Variants in PPARGC1A observed in about 807,000 individuals in gnomAD.
PPARGC1A encodes the protein PPARG coactivator 1 alpha.
PPARGC1A carries 25 observed loss-of-function variants against 88.7 expected under a neutral mutation model. The ratio of observed to expected loss-of-function variants is 0.28; its 90% CI spans 0.21 to 0.39. The LOEUF is 0.39. Ranked by LOEUF, PPARGC1A falls within the 10% of genes least tolerant of loss-of-function variation. The pLI is 1.00. For missense variants in PPARGC1A, 880 were observed against 968.7 expected (o/e 0.91, Z 1.22); for synonymous variants, 363 against 355.6 (o/e 1.02, Z -0.24).
At chr4:24,382,170 A>C in the PPARGC1A span, among the ~76,000 whole-genome samples, 1 of 52,320 alleles carries the variant, frequency 1.9e-5, no homozygotes, top group African/African-American at 8.7e-5. Flanking sequence ...TCAACAATGG[A>C]GAAAAAAACT....
the PPARGC1A span, among the ~76,000 whole-genome samples, chr4:24,345,253 C>T: frequency 7.0e-6 from 1 of 143,530 alleles, no homozygotes; most frequent in Admixed American, 6.8e-5. Context: ...CTTTTGGTTC[C>T]ATACGAATTT....
intron 8 of PPARGC1A, 83 bp from the exon 9 acceptor site, chr4:23,813,208 G>A (rs1311194479): frequency 8.7e-7 from 1 of 1,151,340 alleles, no homozygotes; most frequent in Non-Finnish European, 1.3e-6. Flanking sequence ...CATCCTCTGG[G>A]ACACTGTATT....
chr4:24,470,394 G>A, the PPARGC1A span, among the ~76,000 whole-genome samples: 17 of 151,936 alleles, frequency 1.1e-4, no homozygotes, highest in African/African-American at 3.4e-4. The surrounding 1 kb of genome is among the most constrained non-coding windows in gnomAD (Gnocchi z 5.8). Flanking sequence ...CGGAGTGGTC[G>A]TTGGCTCTCG....
chr4:24,059,349 G>A, the PPARGC1A span, among the ~76,000 whole-genome samples: 1 of 152,176 alleles, frequency 6.6e-6, no homozygotes, highest in Admixed American at 6.5e-5. Flanking sequence ...AGTATCATTT[G>A]TTTAGGTGGG....
intron 5 of PPARGC1A, among the ~76,000 whole-genome samples, chr4:23,827,304 T>C (rs895737603): frequency 1.3e-5 from 2 of 151,778 alleles, no homozygotes; most frequent in African/African-American, 4.8e-5. Context: ...TTCAGAACAC[T>C]GGGGAAAAAA....
At chr4:24,150,939 C>T in the PPARGC1A span, among the ~76,000 whole-genome samples, 2 of 152,200 alleles carry the variant, frequency 1.3e-5, no homozygotes, top group Non-Finnish European at 2.9e-5. Flanking sequence ...CCACGCATCT[C>T]TTTCATGTCC....
the PPARGC1A span, among the ~76,000 whole-genome samples, chr4:24,132,492 T>A: frequency 2.0e-5 from 3 of 152,318 alleles, no homozygotes; most frequent in Non-Finnish European, 2.9e-5. Context: ...CTAACAACAC[T>A]GTCACCATCA....
the PPARGC1A span, among the ~76,000 whole-genome samples, chr4:24,394,519 T>C: frequency 6.6e-6 from 1 of 152,116 alleles, no homozygotes; most frequent in Non-Finnish European, 1.5e-5. Context: ...CTAAAGATAA[T>C]TGAACAGAGA....
chr4:24,247,960 T>C, the PPARGC1A span, among the ~76,000 whole-genome samples: 7 of 152,242 alleles, frequency 4.6e-5, no homozygotes, highest in East Asian at 1.9e-4. Context: ...GCACAGAGTT[T>C]CCCTTCCCTT....
At chr4:24,059,343 T>A in the PPARGC1A span, among the ~76,000 whole-genome samples, 1 of 152,188 alleles carries the variant, frequency 6.6e-6, no homozygotes, top group African/African-American at 2.4e-5. Flanking sequence ...ACCCAAAGTA[T>A]CATTTGTTTA....
chr4:24,250,223 C>T, the PPARGC1A span, among the ~76,000 whole-genome samples: 3 of 152,248 alleles, frequency 2.0e-5, no homozygotes, highest in Non-Finnish European at 4.4e-5. Flanking sequence ...CACACCATTC[C>T]TTGCCCGGTG....
At chr4:23,797,889 T>C (rs993744818) in intron 12 of PPARGC1A, among the ~76,000 whole-genome samples, 1 of 152,212 alleles carries the variant, frequency 6.6e-6, no homozygotes, top group African/African-American at 2.4e-5. Context: ...ATATCCTCTG[T>C]GACCTGCACG....
the PPARGC1A span, among the ~76,000 whole-genome samples, chr4:23,987,123 A>G: frequency 6.6e-6 from 1 of 152,048 alleles, no homozygotes; most frequent in Admixed American, 6.6e-5. Context: ...ATTTCCTTAT[A>G]GTAGTCCATG....
chr4:24,190,214 A>T, the PPARGC1A span, among the ~76,000 whole-genome samples: 1 of 152,096 alleles, frequency 6.6e-6, no homozygotes, highest in African/African-American at 2.4e-5. Context: ...TAAGTAATCT[A>T]AAAAAATAAA....
At chr4:24,195,918 G>C in the PPARGC1A span, among the ~76,000 whole-genome samples, 1 of 152,200 alleles carries the variant, frequency 6.6e-6, no homozygotes, top group Non-Finnish European at 1.5e-5. Context: ...AGAGCATCAA[G>C]GGCCACAAGA....
At chr4:24,129,036 T>C in the PPARGC1A span, among the ~76,000 whole-genome samples, 2 of 152,220 alleles carry the variant, frequency 1.3e-5, no homozygotes, top group African/African-American at 4.8e-5. Context: ...AAATGTATCA[T>C]GTAAGCAGAG....
At chr4:23,895,970 GTGTGTGTGTGTA>G (rs1256237753) in intron 1 of PPARGC1A, among the ~76,000 whole-genome samples, 6 of 48,900 alleles carry the variant, frequency 1.2e-4, no homozygotes, top group African/African-American at 2.9e-4. Flanking sequence ...GTGTGTGTGT[GTGTGTGTGTGTA>G]TATATATATA....
intron 1 of PPARGC1A, among the ~76,000 whole-genome samples, chr4:23,895,562 C>G (rs1195121331): frequency 1.3e-5 from 2 of 151,930 alleles, no homozygotes; most frequent in Non-Finnish European, 2.9e-5. Context: ...GACAGATAAA[C>G]TCTTACTTTA....
the PPARGC1A span, among the ~76,000 whole-genome samples, chr4:24,005,779 C>CA: frequency 4.0e-4 from 57 of 144,282 alleles, no homozygotes; most frequent in Admixed American, 1.4e-3. Context: ...TGTTGATTGG[C>CA]AAAAAAAAAA....
Sources: gnomAD v4.1 joint callset for allele counts (sites outside exome capture counted in the v4.1 genomes callset) on GRCh38, gnomAD v4.1.1 for gene constraint, Gnocchi (gnomAD v3.1) non-coding constraint, MANE v1.5 for transcripts, NCBI Gene and HGNC (gene_info 2026-07-23, HGNC 2026-07-21) for gene names.